Variants in RAD51 observed in about 807,000 individuals in gnomAD.
RAD51 encodes the protein RAD51 recombinase, also known as DNA repair protein RAD51 homolog 1.
In RAD51, 14 loss-of-function variants were observed where a neutral mutation model predicts 41.5. The ratio of observed to expected loss-of-function variants is 0.34; its 90% CI spans 0.22 to 0.53. The LOEUF (loss-of-function observed/expected upper bound fraction) is 0.53. Ranked by LOEUF, RAD51 falls within the 20% of genes least tolerant of loss-of-function variation. The pLI, the probability that RAD51 is intolerant of heterozygous loss-of-function variation, is 0.95. For missense variants in RAD51, 234 were observed against 422.0 expected (o/e 0.55, Z 3.90); for synonymous variants, 136 against 148.6 (o/e 0.92, Z 0.62).
At chr15:40,698,917 T>A (rs1339853218) in intron 2 of RAD51, 72 bp downstream of exon 2, 1 of 1,443,776 alleles carries the variant, frequency 6.9e-7, no homozygotes, top group African/African-American at 1.4e-5. Flanking sequence ...TTACAACCTT[T>A]ACATAAAATA....
At chr15:40,715,527 G>A (rs1169951655) in intron 5 of RAD51, among the ~76,000 whole-genome samples, 3 of 152,180 alleles carry the variant, frequency 2.0e-5, no homozygotes, top group Admixed American at 2.0e-4. Context: ...ACTATAAAAT[G>A]AGAAGTGTTA....
intron 1 of RAD51, among the ~76,000 whole-genome samples, chr15:40,697,119 A>G (rs1894689921): frequency 6.6e-6 from 1 of 151,978 alleles, no homozygotes; most frequent in Non-Finnish European, 1.5e-5. Flanking sequence ...TTTCCTTTTG[A>G]GACAGAGTTT....
Position 40,703,206 on chromosome 15 carries a change from C to G in RAD51, c.225+2005C>G, listed in dbSNP as rs45478994. Among the ~76,000 whole-genome samples the G allele has an allele frequency of 4.7e-3, 710 of 152,234 alleles. 12 individuals are homozygous for G. Among genetic ancestry groups the G allele is most frequent in the African/African-American group, 0.016 (673 of 41,538 alleles). Reference sequence around the variant, plus strand: ...TTTTTCTCCATATCCTTCAGAGTCCCTGGGACTATGTTTCATACGAAGTAA... The same window carrying G: ...TTTTTCTCCATATCCTTCAGAGTCCGTGGGACTATGTTTCATACGAAGTAA... On this transcript the variant is annotated intron_variant, in intron 3 of 9. Transcript: ENST00000267868.
At chr15:40,708,418 A>AG (rs1371159335) in intron 4 of RAD51, among the ~76,000 whole-genome samples, 1 of 151,064 alleles carries the variant, frequency 6.6e-6, no homozygotes, top group Non-Finnish European at 1.5e-5. Flanking sequence ...AGTAGACATG[A>AG]GGTTTCACCA....
At chr15:40,698,694 A>T in intron 1 of RAD51, 63 bp from the exon 2 acceptor site, 1 of 1,452,304 alleles carries the variant, frequency 6.9e-7, no homozygotes, top group Non-Finnish European at 9.7e-7. Flanking sequence ...TAGATAGAAG[A>T]TGGGGAGAGA....
chr15:40,711,188 A>G (rs1356325482), intron 5 of RAD51, among the ~76,000 whole-genome samples: 2 of 152,184 alleles, frequency 1.3e-5, no homozygotes, highest in Non-Finnish European at 2.9e-5. Context: ...TGAGACCAGG[A>G]ATTTGAGACC....
chr15:40,710,609 G>A (rs1165816731), intron 5 of RAD51, among the ~76,000 whole-genome samples: 1 of 151,928 alleles, frequency 6.6e-6, no homozygotes, highest in Non-Finnish European at 1.5e-5. Context: ...CTCCATTTAG[G>A]TGTACTTTCC....
chr15:40,714,560 T>C (rs1377074958), intron 5 of RAD51, among the ~76,000 whole-genome samples: 1 of 152,204 alleles, frequency 6.6e-6, no homozygotes, highest in African/African-American at 2.4e-5. Context: ...CAAGTAAATA[T>C]AGCCTGTTAA....
intron 6 of RAD51, among the ~76,000 whole-genome samples, chr15:40,725,642 C>G (rs183944879): frequency 1.3e-5 from 2 of 152,252 alleles, no homozygotes; most frequent in Admixed American, 1.3e-4. Flanking sequence ...GATGGGACTT[C>G]AGATCTACTG....
At chr15:40,705,841 T>A (rs1041115430) in intron 3 of RAD51, among the ~76,000 whole-genome samples, 3 of 152,120 alleles carry the variant, frequency 2.0e-5, no homozygotes, top group African/African-American at 7.2e-5. Context: ...CTCCTGACGT[T>A]GTGATCCGCC....
intron 5 of RAD51, 65 bp from the exon 6 acceptor site, chr15:40,718,740 A>T: frequency 7.4e-7 from 1 of 1,345,728 alleles, no homozygotes; most frequent in Non-Finnish European, 1.1e-6. Context: ...AGATGTCATG[A>T]GGAGCTTGGT....
At chr15:40,708,061 C>G (rs1165361986) in intron 4 of RAD51, among the ~76,000 whole-genome samples, 1 of 148,090 alleles carries the variant, frequency 6.8e-6, no homozygotes, top group African/African-American at 2.5e-5. Flanking sequence ...CTATGTCACC[C>G]CGGCTGGAGT....
chr15:40,698,968 A>T, intron 2 of RAD51, 123 bp downstream of exon 2: 1 of 933,564 alleles, frequency 1.1e-6, no homozygotes. Flanking sequence ...TAGACTTTTC[A>T]GAAGTGTTGT....
chr15:40,707,016 G>C (rs1197654910), intron 4 of RAD51, among the ~76,000 whole-genome samples: 2 of 151,366 alleles, frequency 1.3e-5, no homozygotes, highest in East Asian at 3.9e-4. Flanking sequence ...TTCGAGACAG[G>C]GTCTCACTCT....
chr15:40,697,137 G>T (rs1894690700), intron 1 of RAD51, among the ~76,000 whole-genome samples: 1 of 152,070 alleles, frequency 6.6e-6, no homozygotes, highest in Non-Finnish European at 1.5e-5. Context: ...TTTGGCTCTT[G>T]TTGCCCAGGC....
intron 2 of RAD51, among the ~76,000 whole-genome samples, chr15:40,699,404 A>T (rs1894847356): frequency 6.6e-6 from 1 of 152,152 alleles, no homozygotes; most frequent in Admixed American, 6.5e-5. Flanking sequence ...TGGCCTCCCA[A>T]AGTGCTGGGA....
At chr15:40,710,631 A>G (rs1895659258) in intron 5 of RAD51, among the ~76,000 whole-genome samples, 1 of 152,092 alleles carries the variant, frequency 6.6e-6, no homozygotes, top group Admixed American at 6.6e-5. Flanking sequence ...ACTGAGTTAG[A>G]CAGGCATCTC....
intron 1 of RAD51, among the ~76,000 whole-genome samples, chr15:40,697,852 A>AAAT (rs1894747033): frequency 1.1e-4 from 16 of 152,314 alleles, no homozygotes; most frequent in Admixed American, 9.1e-4. Context: ...CACCTGGCCC[A>AAAT]AGATGATATT....
At chr15:40,697,325 A>T (rs964989398) in intron 1 of RAD51, among the ~76,000 whole-genome samples, 1 of 152,208 alleles carries the variant, frequency 6.6e-6, no homozygotes, top group African/African-American at 2.4e-5. Context: ...GCTGGTCTTG[A>T]ACTCCTGAAC....
Sources: gnomAD v4.1 joint callset for allele counts (sites outside exome capture counted in the v4.1 genomes callset) on GRCh38, gnomAD v4.1.1 for gene constraint, MANE v1.5 for transcripts, NCBI Gene and HGNC (gene_info 2026-07-23, HGNC 2026-07-21) for gene names.